Variants in FAM13B observed in about 807,000 individuals in gnomAD.
The protein encoded by FAM13B is family with sequence similarity 13 member B.
In FAM13B, 60 loss-of-function variants were observed where a neutral mutation model predicts 117.3. The ratio of observed to expected loss-of-function variants is 0.51; its 90% CI spans 0.42 to 0.63. The LOEUF is 0.63. FAM13B is among the 30% of genes least tolerant of loss of function. The pLI, the probability that FAM13B is intolerant of heterozygous loss-of-function variation, is 0.00. For synonymous variants in FAM13B, 332 were observed against 356.1 expected (o/e 0.93, Z 0.76); for missense variants, 972 against 1,091.9 (o/e 0.89, Z 1.55).
intron 14 of FAM13B, among the ~76,000 whole-genome samples, chr5:137,955,743 T>C (rs1432913031): frequency 6.6e-6 from 1 of 152,178 alleles, no homozygotes; most frequent in Non-Finnish European, 1.5e-5. Context: ...GCGATTCTCC[T>C]GCCTCAGCCT....
chr5:137,977,054 A>T (rs1268309935), intron 10 of FAM13B, among the ~76,000 whole-genome samples: 1 of 152,122 alleles, frequency 6.6e-6, no homozygotes, highest in Non-Finnish European at 1.5e-5. Flanking sequence ...AGCAAGGAAT[A>T]CCCCTGAGAA....
chr5:137,966,652 G>A (rs1015551309), intron 10 of FAM13B, among the ~76,000 whole-genome samples: 12 of 151,666 alleles, frequency 7.9e-5, no homozygotes, highest in African/African-American at 1.5e-4. Flanking sequence ...ACTTATCATC[G>A]TATGTCATTA....
intron 1 of FAM13B, chr5:138,039,937 T>G (rs1279740064): frequency 6.6e-6 from 1 of 152,140 alleles, no homozygotes; most frequent in Non-Finnish European, 1.5e-5. Flanking sequence ...CTCCAAAACA[T>G]GAAGGTGTAC....
intron 1 of FAM13B, among the ~76,000 whole-genome samples, chr5:138,030,720 C>CT (rs1789690331): frequency 6.9e-6 from 1 of 144,484 alleles, no homozygotes; most frequent in Admixed American, 6.9e-5. Context: ...GTCCCCCCCC[C>CT]CCAAAAAAAA....
chr5:138,003,866 G>A (rs1170706954), intron 7 of FAM13B, among the ~76,000 whole-genome samples: 1 of 152,154 alleles, frequency 6.6e-6, no homozygotes, highest in Non-Finnish European at 1.5e-5. Flanking sequence ...AGCTGCCCAT[G>A]TTCTTATCTT....
chr5:137,940,485 G>C (rs1761357115), intron 23 of FAM13B, 137 bp from the exon 24 acceptor site: 1 of 601,020 alleles, frequency 1.7e-6, no homozygotes. Context: ...AAAAAAAAAA[G>C]GTTATTGAAC....
At chr5:137,948,105 T>C (rs1245476623) in intron 18 of FAM13B, among the ~76,000 whole-genome samples, 1 of 151,252 alleles carries the variant, frequency 6.6e-6, no homozygotes, top group Non-Finnish European at 1.5e-5. Context: ...TCATCCAATA[T>C]AAGATTAGGT....
rs765064572 is a variant in FAM13B, at chr5:137,942,002, T to C, written c.2632A>G (p.Lys878Glu). ...TCCCGCAACGTTTTGCGTAGTTTCT[T>C]TTTTTCAGCTCTGGCTTTCCAAAGT... is the stretch of plus-strand genomic sequence containing the variant. Reference protein sequence around the residue: ...EQLWKARAEKKKLRKTLREFE... With the variant: ...EQLWKARAEKEKLRKTLREFE... The change falls in exon 23 of 24, where the codon AAG becomes GAG. Residue 878 changes from lysine to glutamate, a missense_variant. Lys to Glu is a moderately conservative substitution (Grantham distance 56, BLOSUM62 1). Transcript: ENST00000689681. 1 of 1,614,126 alleles carries C rather than the reference T, an allele frequency of 6.2e-7. No individual in the cohort carries two copies. Among genetic ancestry groups the C allele is most frequent in the Admixed American group, 1.7e-5 (1 of 60,016 alleles).
chr5:137,974,465 G>C (rs1462069871), intron 10 of FAM13B, among the ~76,000 whole-genome samples: 3 of 98,046 alleles, frequency 3.1e-5, no homozygotes, highest in East Asian at 7.0e-4. Flanking sequence ...GTTGTGGGGT[G>C]GGGGGAGGGG....
chr5:137,940,569 T>C, intron 23 of FAM13B: 1 of 445,070 alleles, frequency 2.2e-6, no homozygotes, highest in Non-Finnish European at 3.9e-6. Context: ...AATGATGCTA[T>C]ACTTATAAAT....
intron 17 of FAM13B, among the ~76,000 whole-genome samples, chr5:137,951,805 C>T (rs965810181): frequency 6.6e-6 from 1 of 151,972 alleles, no homozygotes; most frequent in Non-Finnish European, 1.5e-5. Flanking sequence ...GGCAAAACCC[C>T]ATCCCTACTA....
intron 18 of FAM13B, 169 bp from the exon 19 acceptor site, chr5:137,946,480 A>G: frequency 1.9e-6 from 1 of 529,626 alleles, no homozygotes; most frequent in Non-Finnish European, 3.3e-6. Context: ...TTTGCAGGCA[A>G]AATTTTCAGT....
intron 12 of FAM13B, 44 bp downstream of exon 12, chr5:137,960,122 C>G: frequency 8.3e-7 from 1 of 1,201,998 alleles, no homozygotes; most frequent in Non-Finnish European, 1.2e-6. Flanking sequence ...ACAGTTTAAA[C>G]CTAGGCAAGT....
chr5:138,017,364 T>C (rs1218398953), intron 4 of FAM13B, among the ~76,000 whole-genome samples: 1 of 152,126 alleles, frequency 6.6e-6, no homozygotes, highest in African/African-American at 2.4e-5. Flanking sequence ...GACAACATAA[T>C]ACTTAAGGAT....
intron 10 of FAM13B, among the ~76,000 whole-genome samples, chr5:137,970,394 A>G (rs984426233): frequency 3.3e-5 from 5 of 152,148 alleles, no homozygotes; most frequent in African/African-American, 9.7e-5. Context: ...AAAATACTTT[A>G]CAGACAAGCA....
At chr5:138,049,520 A>G (rs1199956721) in intron 1 of FAM13B, among the ~76,000 whole-genome samples, 1 of 131,626 alleles carries the variant, frequency 7.6e-6, no homozygotes, top group African/African-American at 2.9e-5. Flanking sequence ...TGATCCACCC[A>G]CCTCTTCCTC....
chr5:137,970,874 T>A (rs372976418), intron 10 of FAM13B, among the ~76,000 whole-genome samples: 3 of 151,886 alleles, frequency 2.0e-5, no homozygotes, highest in South Asian at 2.1e-4. Flanking sequence ...AGGCCATTAC[T>A]TAATGGTAAA....
chr5:138,032,762 G>A lies in FAM13B; in HGVS notation c.-203+20C>T. 1 of 985,676 alleles carries A rather than the reference G, an allele frequency of 1.0e-6. No individual in the cohort carries two copies. The highest frequency in any genetic ancestry group is 1.2e-6 in the Non-Finnish European group (1 of 829,986). The allele number at this position is 985,676 out of a possible 1,614,324, so 61.1% of individuals were successfully genotyped here. A position where few individuals can be genotyped will look rare whatever the true frequency, so the allele number is the denominator to read the frequency against. Reference sequence around the variant, plus strand: ...GCAACCCGCGCATGCGCAGATCCGGGTACCCGCCCGTTTACCTACCGTTGG... The same window carrying A: ...GCAACCCGCGCATGCGCAGATCCGGATACCCGCCCGTTTACCTACCGTTGG... On this transcript the variant is annotated intron_variant, in intron 1 of 23. Coordinates refer to ENST00000689681, the MANE Select transcript of FAM13B (RefSeq NM_001385994.1).
At chr5:138,029,614 A>G (rs1789371477) in intron 1 of FAM13B, among the ~76,000 whole-genome samples, 2 of 152,154 alleles carry the variant, frequency 1.3e-5, no homozygotes, top group African/African-American at 4.8e-5. Context: ...CAAACACTAA[A>G]TCCAACGTGA....
Sources: allele counts gnomAD v4.1 joint callset (sites outside exome capture counted in the v4.1 genomes callset), GRCh38; gene constraint gnomAD v4.1.1; transcripts MANE v1.5; gene names NCBI Gene and HGNC (gene_info 2026-07-23, HGNC 2026-07-21).